The following USPL1 variants were observed in gnomAD, a reference collection of about 807,000 sequenced individuals.
USPL1 encodes the protein SUMO-specific isopeptidase USPL1.
Under a neutral mutation model 51.5 loss-of-function variants are expected in USPL1, and 27 were observed. The observed-to-expected ratio is 0.52, with a 90% CI of 0.39 to 0.72. USPL1 has a LOEUF of 0.72. Among genes scored for constraint, USPL1 ranks in the 30% least tolerant of loss-of-function variants. USPL1 has a pLI of 0.00. For missense variants in USPL1, 1,226 were observed against 1,268.0 expected, an observed-to-expected ratio of 0.97 and a Z score of 0.50; for synonymous variants, 451 against 459.6, an observed-to-expected ratio of 0.98 and a Z score of 0.24.
intron 8 of USPL1, among the ~76,000 whole-genome samples, chr13:30,653,591 G>GT (rs930179698): frequency 4.0e-5 from 6 of 150,912 alleles, no homozygotes; most frequent in African/African-American, 1.2e-4. Flanking sequence ...TGTTAGCTCA[G>GT]TTTTTTTTTC....
chr13:30,658,788 C>G lies in USPL1; in HGVS notation c.2711C>G (p.Ala904Gly), dbSNP rs1417289623. 1 of 1,613,968 alleles carries G rather than the reference C, an allele frequency of 6.2e-7. No individual in the cohort carries two copies. Among genetic ancestry groups the G allele is most frequent in the Non-Finnish European group, 8.5e-7 (1 of 1,180,052 alleles). Residue 904 changes from alanine to glycine, a missense_variant, in exon 9 of 9, where the codon GCT (alanine) becomes GGT (glycine). By Grantham distance (60) the Ala-to-Gly change is moderately conservative (BLOSUM62 0). Coordinates refer to ENST00000255304, the MANE Select transcript of USPL1 (RefSeq NM_005800.5). ...KKLKAEKKKLAALMSSPQSRT... is the reference protein window; with the variant it reads ...KKLKAEKKKLGALMSSPQSRT... ...CTAAAGGCAGAAAAGAAGAAATTAG[C>G]TGCTCTTATGTCTTCCCCGCAAAGC... is the stretch of plus-strand genomic sequence containing the variant.
At chr13:30,655,087 G>A (rs553667499) in intron 8 of USPL1, among the ~76,000 whole-genome samples, 5 of 151,948 alleles carry the variant, frequency 3.3e-5, no homozygotes, top group South Asian at 2.1e-4. Flanking sequence ...ACACGCAGGC[G>A]CTACCATGCC....
Position 30,642,628 on chromosome 13 carries a change from G to A in USPL1, c.983G>A (p.Gly328Asp), listed in dbSNP as rs1159689499. ...GTAATTCTTCCTTTTCTTTTTGAAG[G>A]TGATATGGAAAGCCCTGTGTTTGCA... is the stretch of plus-strand genomic sequence containing the variant. The part of the protein sequence containing the change: ...SLQPQLRCTL[G>D]DMESPVFAFP... The change falls in exon 6 of 9, where the codon GGT (glycine) becomes GAT (aspartate). Residue 328 changes from glycine (G) to aspartate (D), a missense_variant and splice_region_variant. Coordinates refer to ENST00000255304, the MANE Select transcript of USPL1 (RefSeq NM_005800.5). The A allele has an allele frequency of 1.2e-6, 2 of 1,603,672 alleles. No homozygotes were observed. Among genetic ancestry groups the A allele is most frequent in the Admixed American group, 1.8e-5 (1 of 56,444 alleles).
chr13:30,644,808 T>C (rs1221155229), intron 6 of USPL1, among the ~76,000 whole-genome samples: 1 of 152,216 alleles, frequency 6.6e-6, no homozygotes, highest in African/African-American at 2.4e-5. Flanking sequence ...TATTAAGCTT[T>C]TTGTTGAGTA....
intron 4 of USPL1, among the ~76,000 whole-genome samples, chr13:30,634,676 G>A (rs1950852115): frequency 6.6e-6 from 1 of 152,178 alleles, no homozygotes; most frequent in South Asian, 2.1e-4. Context: ...TGGGGGGCAA[G>A]TCTCCTGGGG....
intron 4 of USPL1, among the ~76,000 whole-genome samples, chr13:30,633,087 T>A (rs1299076107): frequency 6.6e-6 from 1 of 152,224 alleles, no homozygotes; most frequent in Non-Finnish European, 1.5e-5. Flanking sequence ...ATCTAAACAG[T>A]ATACAGTAGT....
intron 3 of USPL1, among the ~76,000 whole-genome samples, chr13:30,626,998 C>T (rs763610768): frequency 1.2e-4 from 18 of 152,048 alleles, no homozygotes; most frequent in Non-Finnish European, 2.1e-4. Flanking sequence ...TTGATAATTA[C>T]TTATACAAGT....
chr13:30,623,391 C>G (rs1366747035), intron 3 of USPL1, among the ~76,000 whole-genome samples: 1 of 152,038 alleles, frequency 6.6e-6, no homozygotes, highest in Non-Finnish European at 1.5e-5. Context: ...GGAACCATGG[C>G]AGAGATGTTG....
chr13:30,618,229 G>A (rs1053445363), intron 1 of USPL1, among the ~76,000 whole-genome samples, 173 bp downstream of exon 1: 5 of 152,156 alleles, frequency 3.3e-5, no homozygotes, highest in African/African-American at 1.2e-4. Context: ...GATCCGTTTG[G>A]GCGCAGAGAG....
At chr13:30,651,841 A>G (rs2137708490) in intron 7 of USPL1, among the ~76,000 whole-genome samples, 1 of 152,250 alleles carries the variant, frequency 6.6e-6, no homozygotes, top group East Asian at 1.9e-4. Flanking sequence ...CCTGTAATCC[A>G]GCTCCTCAGG....
chr13:30,629,541 T>G (rs1950771562), intron 3 of USPL1, among the ~76,000 whole-genome samples: 1 of 152,164 alleles, frequency 6.6e-6, no homozygotes, highest in South Asian at 2.1e-4. Flanking sequence ...GTGAGTTGAC[T>G]AGGGAATTCT....
chr13:30,657,542 G>T lies in USPL1; in HGVS notation c.1465G>T (p.Ala489Ser). The T allele has an allele frequency of 6.2e-7, 1 of 1,613,600 alleles. No individual in the cohort carries two copies. Among genetic ancestry groups the T allele is most frequent in the Middle Eastern group, 1.7e-4 (1 of 6,058 alleles). ...AAGGCACAAGAAATTTGAAGTTCCT[G>T]CTTCAGAGATACATATTGTTATTTG... Reference protein sequence around the residue: ...SERHKKFEVPASEIHIVIWER... With the variant: ...SERHKKFEVPSSEIHIVIWER... Residue 489 changes from alanine to serine, a missense_variant, in exon 9 of 9, where the codon GCT becomes TCT. Transcript: ENST00000255304.
intron 7 of USPL1, among the ~76,000 whole-genome samples, chr13:30,650,944 C>T (rs956994906): frequency 6.6e-6 from 1 of 151,308 alleles, no homozygotes; most frequent in Non-Finnish European, 1.5e-5. Context: ...GAGCTGAGAT[C>T]GTGCCCTGCA....
At chr13:30,631,970 T>G (rs769436601) in intron 4 of USPL1, among the ~76,000 whole-genome samples, 59 of 42,282 alleles carry the variant, frequency 1.4e-3, no homozygotes, top group Non-Finnish European at 2.4e-3. Context: ...AGTTTTTTTG[T>G]TTTTTTTTTT....
chr13:30,647,314 C>T (rs1260118346), intron 7 of USPL1, among the ~76,000 whole-genome samples: 1 of 152,026 alleles, frequency 6.6e-6, no homozygotes, highest in East Asian at 1.9e-4. Context: ...CTTTTTTCTC[C>T]CTTTAAGGAT....
At position 30,657,918 on chromosome 13, in the gene USPL1, C is replaced by T; in HGVS notation, c.1841C>T (p.Ala614Val). Residue 614 changes from alanine (A) to valine (V), a missense_variant, in exon 9 of 9, where the codon GCA becomes GTA. By Grantham distance (64) the Ala-to-Val change is moderately conservative. Coordinates refer to ENST00000255304, the MANE Select transcript of USPL1 (RefSeq NM_005800.5). ...EAFLLENKPV[A>V]ENTGILKTNT... ...TTCCTGTTAGAAAATAAACCTGTAG[C>T]AGAAAATACAGGAATTCTCAAAACC... 6.2e-7 allele frequency: 1 copy of T among 1,613,832 alleles called. No individual in the cohort carries two copies. Among genetic ancestry groups the T allele is most frequent in the Middle Eastern group, 1.7e-4 (1 of 6,060 alleles).
At chr13:30,629,068 C>T (rs915585882) in intron 3 of USPL1, among the ~76,000 whole-genome samples, 1 of 152,122 alleles carries the variant, frequency 6.6e-6, no homozygotes, top group African/African-American at 2.4e-5. Flanking sequence ...AGAACTTGTC[C>T]ATTTATACTA....
chr13:30,627,790 A>T (rs1025381364), intron 3 of USPL1, among the ~76,000 whole-genome samples: 5 of 151,976 alleles, frequency 3.3e-5, no homozygotes, highest in African/African-American at 1.2e-4. Context: ...AACTTTTTTC[A>T]TCTTGCAAAA....
In USPL1 at chr13:30,658,799, T is replaced by A; in HGVS notation, c.2722T>A (p.Ser908Thr). ...AAAGAAGAAATTAGCTGCTCTTATG[T>A]CTTCCCCGCAAAGCAGAACAGTTCG... ...AEKKKLAALM[S>T]SPQSRTVRSE... Residue 908 changes from serine (S) to threonine (T), a missense_variant, in exon 9 of 9, where the codon TCT becomes ACT. By Grantham distance (58) the Ser-to-Thr change is moderately conservative (BLOSUM62 1). Coordinates refer to ENST00000255304, the MANE Select transcript of USPL1 (RefSeq NM_005800.5). 1 of 1,614,036 alleles carries A rather than the reference T, an allele frequency of 6.2e-7. No individual in the cohort carries two copies. The highest frequency in any genetic ancestry group is 8.5e-7 in the Non-Finnish European group (1 of 1,180,034).
Sources: gnomAD v4.1 joint callset for allele counts (sites outside exome capture counted in the v4.1 genomes callset) on GRCh38, gnomAD v4.1.1 for gene constraint, MANE v1.5 for transcripts, NCBI Gene and HGNC (gene_info 2026-07-23, HGNC 2026-07-21) for gene names.